CCBE1: variants seen among roughly 807,000 people sequenced by gnomAD.
CCBE1 encodes collagen and calcium binding EGF domains 1.
In CCBE1, 37 loss-of-function variants were observed where a neutral mutation model predicts 50.0. The observed-to-expected ratio is 0.74, with a 90% CI of 0.57 to 0.97. CCBE1 has a LOEUF of 0.97. CCBE1 is among the 50% of genes least tolerant of loss of function. The pLI, the probability that CCBE1 is intolerant of heterozygous loss-of-function variation, is 0.00. For synonymous variants in CCBE1, 234 were observed against 203.7 expected (o/e 1.15, Z -1.27); for missense variants, 538 against 523.8 (o/e 1.03, Z -0.26).
chr18:59,470,868 G>C (rs969809591), intron 3 of CCBE1, among the ~76,000 whole-genome samples: 7 of 152,182 alleles, frequency 4.6e-5, no homozygotes, highest in African/African-American at 1.7e-4. Flanking sequence ...GATGCAGGGA[G>C]GGTTTGTGTG....
At chr18:59,697,143 G>A (rs2054819030) in intron 1 of CCBE1, 69 bp downstream of exon 1, 4 of 1,541,870 alleles carry the variant, frequency 2.6e-6, no homozygotes, top group East Asian at 4.9e-5. Flanking sequence ...GGGGAGGACC[G>A]CCCGCACCCC....
At chr18:59,647,810 C>T (rs1022686638) in intron 2 of CCBE1, among the ~76,000 whole-genome samples, 3 of 152,106 alleles carry the variant, frequency 2.0e-5, no homozygotes, top group Non-Finnish European at 2.9e-5. Flanking sequence ...TAAATAAGTA[C>T]ACAAAGCTTT....
intron 2 of CCBE1, among the ~76,000 whole-genome samples, chr18:59,596,643 A>G (rs2053354599): frequency 6.6e-6 from 1 of 152,228 alleles, no homozygotes; most frequent in Non-Finnish European, 1.5e-5. Flanking sequence ...CACAATTGAT[A>G]GCTGAGAAGA....
At position 59,659,992 on chromosome 18, in the gene CCBE1, G is replaced by A. The variant is rs146175043; in HGVS notation, c.212+36637C>T. Among the ~76,000 whole-genome samples the A allele has an allele frequency of 2.2e-3, 336 of 152,246 alleles. 3 individuals are homozygous for A. Among genetic ancestry groups the A allele is most frequent in the South Asian group, 6.2e-3 (30 of 4,828 alleles). Reference sequence around the variant, plus strand: ...TCTGTCTAGCTGCGTCCCTAAAGCCGGGTCACAGACAATGCGTGAGTTTGT... The same window carrying A: ...TCTGTCTAGCTGCGTCCCTAAAGCCAGGTCACAGACAATGCGTGAGTTTGT... On this transcript the variant is annotated intron_variant, in intron 2 of 10. Transcript: ENST00000439986.
intron 4 of CCBE1, 28 bp from the exon 5 acceptor site, chr18:59,466,919 T>C (rs1011872731): frequency 6.3e-7 from 1 of 1,595,732 alleles, no homozygotes. Flanking sequence ...TAGAGAATAC[T>C]AAGTTTCTGA....
At chr18:59,527,073 C>CA (rs1914853935) in intron 2 of CCBE1, among the ~76,000 whole-genome samples, 1 of 151,970 alleles carries the variant, frequency 6.6e-6, no homozygotes, top group Admixed American at 6.6e-5. Context: ...TTAATTTTCT[C>CA]TCGATGATCT....
intron 5 of CCBE1, chr18:59,455,212 CTTCCT>C (rs1405572704): frequency 1.2e-5 from 7 of 560,736 alleles, no homozygotes; most frequent in African/African-American, 7.5e-5. Flanking sequence ...AGACCCTGAT[CTTCCT>C]TTCATGTGTG....
chr18:59,546,277 C>T (rs1915678849), intron 2 of CCBE1, among the ~76,000 whole-genome samples: 2 of 152,184 alleles, frequency 1.3e-5, no homozygotes, highest in East Asian at 1.9e-4. Context: ...AATAAACTGC[C>T]TGTTCGTATC....
chr18:59,502,039 T>C (rs573000661), intron 2 of CCBE1, among the ~76,000 whole-genome samples: 42 of 152,232 alleles, frequency 2.8e-4, no homozygotes, highest in African/African-American at 1.0e-3. Flanking sequence ...ACTCAAGTGA[T>C]CCTCCCACCT....
At chr18:59,509,491 A>T (rs1159911045) in intron 2 of CCBE1, among the ~76,000 whole-genome samples, 1 of 152,194 alleles carries the variant, frequency 6.6e-6, no homozygotes, top group Non-Finnish European at 1.5e-5. Context: ...TGCATGATAA[A>T]TACTAGGAAA....
intron 2 of CCBE1, chr18:59,563,578 G>T (rs905089929): frequency 2.0e-5 from 3 of 152,204 alleles, no homozygotes; most frequent in East Asian, 1.9e-4. Flanking sequence ...GCCCCTGCTG[G>T]TATAAGTGGA....
intron 2 of CCBE1, among the ~76,000 whole-genome samples, chr18:59,514,735 C>T (rs1914295269): frequency 6.6e-6 from 1 of 150,888 alleles, no homozygotes; most frequent in African/African-American, 2.4e-5. Flanking sequence ...CCCCAGAGTA[C>T]CCTTTGCCAC....
At chr18:59,532,973 C>T (rs1371237800) in intron 2 of CCBE1, among the ~76,000 whole-genome samples, 1 of 152,140 alleles carries the variant, frequency 6.6e-6, no homozygotes, top group Non-Finnish European at 1.5e-5. Flanking sequence ...GAACCTCTCA[C>T]GGAGTATGGA....
At chr18:59,695,179 G>C (rs1177108931) in intron 2 of CCBE1, among the ~76,000 whole-genome samples, 1 of 152,194 alleles carries the variant, frequency 6.6e-6, no homozygotes, top group African/African-American at 2.4e-5. Context: ...AACCATCTCA[G>C]AGACATTTCC....
At chr18:59,494,806 G>A (rs1189165019) in intron 2 of CCBE1, among the ~76,000 whole-genome samples, 1 of 152,130 alleles carries the variant, frequency 6.6e-6, no homozygotes, top group Non-Finnish European at 1.5e-5. Context: ...GGCAGGGCAT[G>A]GAGCTCTAGC....
intron 2 of CCBE1, among the ~76,000 whole-genome samples, chr18:59,485,896 C>T (rs1971853): frequency 0.28 from 42,045 of 149,080 alleles, 6,038 homozygotes; most frequent in Middle Eastern, 0.36. Flanking sequence ...CCACCGTGCC[C>T]GGCCAGATTT....
intron 2 of CCBE1, among the ~76,000 whole-genome samples, chr18:59,654,028 CA>C (rs1278026389): frequency 6.6e-6 from 1 of 152,128 alleles, no homozygotes; most frequent in Non-Finnish European, 1.5e-5. Context: ...AAAGAAGCAT[CA>C]TTCAATGTTT....
At chr18:59,631,239 CGA>C (rs1005074141) in intron 2 of CCBE1, among the ~76,000 whole-genome samples, 2 of 151,546 alleles carry the variant, frequency 1.3e-5, no homozygotes, top group African/African-American at 4.9e-5. Context: ...TGAAGGATAG[CGA>C]GAGGGGAGCA....
intron 5 of CCBE1, among the ~76,000 whole-genome samples, chr18:59,466,291 A>C (rs996779702): frequency 6.6e-6 from 1 of 151,950 alleles, no homozygotes; most frequent in African/African-American, 2.4e-5. Flanking sequence ...GACAGTGTAT[A>C]AGTCTCAGAG....
Sources: allele counts gnomAD v4.1 joint callset (sites outside exome capture counted in the v4.1 genomes callset), GRCh38; gene constraint gnomAD v4.1.1; transcripts MANE v1.5; gene names NCBI Gene and HGNC (gene_info 2026-07-23, HGNC 2026-07-21).